ADAMTSL1: variants seen among roughly 807,000 people sequenced by gnomAD.
ADAMTSL1 encodes the protein ADAMTS-like protein 1.
A neutral mutation model predicts 201.8 loss-of-function variants in ADAMTSL1; 126 were observed. The observed-to-expected ratio is 0.62, with a 90% confidence interval of 0.54 to 0.72. The LOEUF is 0.72. Ranked by LOEUF, ADAMTSL1 falls within the 30% of genes least tolerant of loss-of-function variation. The pLI is 0.00. For missense variants in ADAMTSL1, 2,679 were observed against 2,277.8 expected (o/e 1.18, Z -3.59); for synonymous variants, 1,121 against 903.4 (o/e 1.24, Z -4.32).
intron 1 of ADAMTSL1, among the ~76,000 whole-genome samples, chr9:17,990,829 C>T (rs1392183984): frequency 6.6e-6 from 1 of 151,998 alleles, no homozygotes; most frequent in Non-Finnish European, 1.5e-5. Context: ...ACTGTGTGAC[C>T]TCAGTTCTTT....
At chr9:18,031,432 TG>T (rs1425110598) in intron 1 of ADAMTSL1, among the ~76,000 whole-genome samples, 2 of 152,182 alleles carry the variant, frequency 1.3e-5, no homozygotes, top group Non-Finnish European at 2.9e-5. Flanking sequence ...TGGGTTTCTT[TG>T]TTGTAGATTG....
intron 4 of ADAMTSL1, among the ~76,000 whole-genome samples, chr9:18,590,593 G>C (rs1003118257): frequency 1.3e-5 from 2 of 151,332 alleles, no homozygotes; most frequent in Admixed American, 6.6e-5. Flanking sequence ...CTAATTCCTT[G>C]AGATGCATCA....
chr9:18,856,222 G>A (rs1826838121), intron 23 of ADAMTSL1, among the ~76,000 whole-genome samples: 1 of 152,020 alleles, frequency 6.6e-6, no homozygotes, highest in Non-Finnish European at 1.5e-5. Flanking sequence ...TAAATTGGAG[G>A]AAAAGTGAAG....
chr9:18,457,289 C>CG (rs1373591376), intron 2 of ADAMTSL1, among the ~76,000 whole-genome samples: 5 of 151,976 alleles, frequency 3.3e-5, no homozygotes, highest in African/African-American at 1.2e-4. Context: ...AATAAAATCA[C>CG]GGAAAAAATG....
chr9:18,172,784 C>G (rs10125786), intron 2 of ADAMTSL1, among the ~76,000 whole-genome samples: 146,400 of 152,216 alleles, frequency 0.96, 70,692 homozygotes, highest in East Asian at 1. Flanking sequence ...ATAAATAACA[C>G]ATCTACATGT....
At chr9:18,194,360 TA>T (rs1461323751) in intron 2 of ADAMTSL1, among the ~76,000 whole-genome samples, 1 of 152,042 alleles carries the variant, frequency 6.6e-6, no homozygotes, top group East Asian at 1.9e-4. Context: ...ACATGATTAT[TA>T]TAGCAGAAAA....
chr9:18,476,832 C>T (rs10511637), intron 1 of ADAMTSL1, among the ~76,000 whole-genome samples: 12,977 of 152,112 alleles, frequency 0.085, 1,694 homozygotes, highest in African/African-American at 0.29. Flanking sequence ...CCTCATTTCA[C>T]TGACAGCTGA....
chr9:17,938,634 T>A (rs2131339575), intron 1 of ADAMTSL1, among the ~76,000 whole-genome samples: 1 of 152,262 alleles, frequency 6.6e-6, no homozygotes, highest in South Asian at 2.1e-4. Context: ...GTCAGCTGGA[T>A]ATCAGGAAAG....
chr9:18,750,136 T>C lies in ADAMTSL1; in HGVS notation c.2007-3162T>C, dbSNP rs1345057855. On this transcript the variant is annotated intron_variant, in intron 15 of 28. Coordinates refer to ENST00000380548, the MANE Select transcript of ADAMTSL1 (RefSeq NM_001040272.6). Reference sequence around the variant, plus strand: ...ACAACATTTTAGTATTTCCCTTGAGTGGAAAGAAAACCTTTTTTTAAGCAT... The same window carrying C: ...ACAACATTTTAGTATTTCCCTTGAGCGGAAAGAAAACCTTTTTTTAAGCAT... Among the ~76,000 whole-genome samples, 2 of 152,184 alleles carry C rather than the reference T, an allele frequency of 1.3e-5. 1 individual carries two copies. The highest frequency in any genetic ancestry group is 2.9e-5 in the Non-Finnish European group (2 of 68,020).
At chr9:18,267,947 A>G in intron 2 of ADAMTSL1, among the ~76,000 whole-genome samples, 1 of 152,052 alleles carries the variant, frequency 6.6e-6, no homozygotes, top group African/African-American at 2.4e-5. Flanking sequence ...ATTTCTCATA[A>G]TCTCAGAATT....
At chr9:18,771,881 C>G (rs1053776464) in intron 17 of ADAMTSL1, among the ~76,000 whole-genome samples, 26 of 152,108 alleles carry the variant, frequency 1.7e-4, no homozygotes, top group African/African-American at 6.3e-4. Context: ...ATCTTATCAA[C>G]CCACATAGAA....
chr9:18,148,245 T>C (rs1826742015), intron 1 of ADAMTSL1, among the ~76,000 whole-genome samples: 1 of 151,734 alleles, frequency 6.6e-6, no homozygotes, highest in African/African-American at 2.4e-5. Context: ...TTTTCATGTC[T>C]ACATAGTATA....
intron 4 of ADAMTSL1, among the ~76,000 whole-genome samples, chr9:18,583,281 A>G (rs1823236138): frequency 1.3e-5 from 2 of 152,188 alleles, no homozygotes; most frequent in Admixed American, 1.3e-4. Context: ...CATGGCTGAA[A>G]GGGGTCAAGG....
At chr9:18,667,141 C>G (rs1317291440) in intron 9 of ADAMTSL1, among the ~76,000 whole-genome samples, 1 of 151,722 alleles carries the variant, frequency 6.6e-6, no homozygotes, top group African/African-American at 2.4e-5. Context: ...TCAAGGAATT[C>G]AGAGCAACAG....
chr9:18,510,516 C>T (rs1817963266), intron 2 of ADAMTSL1, among the ~76,000 whole-genome samples: 1 of 152,230 alleles, frequency 6.6e-6, no homozygotes, highest in African/African-American at 2.4e-5. Context: ...CTCCCCTACC[C>T]TTTTTCTGAG....
At chr9:18,535,456 C>A (rs1304039226) in intron 3 of ADAMTSL1, among the ~76,000 whole-genome samples, 3 of 152,154 alleles carry the variant, frequency 2.0e-5, no homozygotes, top group African/African-American at 4.8e-5. Context: ...GAAGTTCCAA[C>A]CTTTCCCACA....
chr9:18,852,863 T>C (rs1249973514), intron 23 of ADAMTSL1, among the ~76,000 whole-genome samples: 9 of 152,168 alleles, frequency 5.9e-5, no homozygotes, highest in Non-Finnish European at 1.0e-4. Context: ...TAAAACCTAG[T>C]TGTTGCCTTA....
rs141748139 is a variant in ADAMTSL1 at position 18,585,954 on chromosome 9, T to C, written c.474+11688T>C. ...GGAAAATACCCTAAAACAATAAGAG[T>C]CATCTATGACAAGCCCACAGCCAAC... On this transcript the variant is annotated intron_variant, in intron 4 of 28. Coordinates refer to ENST00000380548, the MANE Select transcript of ADAMTSL1 (RefSeq NM_001040272.6). Among the ~76,000 whole-genome samples, 1,237 of 151,524 alleles carry C rather than the reference T, an allele frequency of 8.2e-3. 25 individuals carry two copies. The highest frequency in any genetic ancestry group is 0.029 in the African/African-American group (1,192 of 41,294).
At chr9:18,157,793 A>T (rs1022865767) in intron 1 of ADAMTSL1, among the ~76,000 whole-genome samples, 1 of 151,970 alleles carries the variant, frequency 6.6e-6, no homozygotes, top group Non-Finnish European at 1.5e-5. Context: ...CACCCCCACG[A>T]TCTTCTTGGG....
Sources: allele counts gnomAD v4.1 joint callset (sites outside exome capture counted in the v4.1 genomes callset), GRCh38; gene constraint gnomAD v4.1.1; transcripts MANE v1.5; gene names NCBI Gene and HGNC (gene_info 2026-07-23, HGNC 2026-07-21).